INPP4B: variants seen among roughly 807,000 people sequenced by gnomAD.
INPP4B encodes the protein inositol polyphosphate 4-phosphatase type II.
Under a neutral mutation model 122.5 loss-of-function variants are expected in INPP4B, and 55 were observed. The ratio of observed to expected loss-of-function variants is 0.45; its 90% CI spans 0.36 to 0.56. The LOEUF (loss-of-function observed/expected upper bound fraction) is 0.56. Among genes scored for constraint, INPP4B ranks in the 20% least tolerant of loss-of-function variants. The pLI, the probability that INPP4B is intolerant of heterozygous loss-of-function variation, is 0.00. For synonymous variants in INPP4B, 403 were observed against 388.7 expected, an observed-to-expected ratio of 1.04 and a Z score of -0.43; for missense variants, 1,000 against 1,097.7, an observed-to-expected ratio of 0.91 and a Z score of 1.26.
At chr4:142,621,252 T>C (rs541544253) in intron 2 of INPP4B, among the ~76,000 whole-genome samples, 2 of 151,942 alleles carry the variant, frequency 1.3e-5, no homozygotes, top group South Asian at 4.1e-4. Context: ...ATTGACCAAA[T>C]CTGCAAAAAA....
intron 2 of INPP4B, among the ~76,000 whole-genome samples, chr4:142,630,838 G>T (rs1747781612): frequency 6.6e-6 from 1 of 152,062 alleles, no homozygotes; most frequent in Non-Finnish European, 1.5e-5. Context: ...GTTGAGACAT[G>T]AAAAGGCTTA....
intron 22 of INPP4B, among the ~76,000 whole-genome samples, chr4:142,111,537 G>T (rs915922743): frequency 3.3e-5 from 5 of 151,802 alleles, no homozygotes; most frequent in Non-Finnish European, 7.4e-5. Flanking sequence ...AGTAGAGTTG[G>T]GGTTTTGTCA....
chr4:142,504,409 A>C (rs1274803707), intron 2 of INPP4B, among the ~76,000 whole-genome samples: 4 of 152,168 alleles, frequency 2.6e-5, no homozygotes, highest in African/African-American at 9.6e-5. Flanking sequence ...AGGAGTGTGA[A>C]GTGTGAAGAT....
chr4:142,669,078 A>C (rs1756604917), intron 2 of INPP4B, among the ~76,000 whole-genome samples: 1 of 152,060 alleles, frequency 6.6e-6, no homozygotes, highest in Non-Finnish European at 1.5e-5. Context: ...ATAAAAATAA[A>C]AATAAATAAA....
chr4:142,123,659 A>C (rs894373429), intron 19 of INPP4B, among the ~76,000 whole-genome samples: 1 of 152,158 alleles, frequency 6.6e-6, no homozygotes, highest in Non-Finnish European at 1.5e-5. Context: ...TAAGGTTGAT[A>C]GGTCTTCAAA....
At chr4:142,259,111 A>T (rs1237022274) in intron 11 of INPP4B, among the ~76,000 whole-genome samples, 2 of 150,014 alleles carry the variant, frequency 1.3e-5, no homozygotes, top group Non-Finnish European at 3.0e-5. Context: ...AGAGCAAAAA[A>T]CCAAACACCG....
chr4:142,563,705 A>G (rs554918043), intron 2 of INPP4B, among the ~76,000 whole-genome samples: 1 of 152,118 alleles, frequency 6.6e-6, no homozygotes, highest in Non-Finnish European at 1.5e-5. Context: ...GGCAGAAATG[A>G]TATTGTCTAG....
chr4:142,080,186 T>C (rs141222184), intron 25 of INPP4B, among the ~76,000 whole-genome samples: 3 of 152,058 alleles, frequency 2.0e-5, no homozygotes, highest in African/African-American at 7.2e-5. Flanking sequence ...CTATGGGTAA[T>C]GTATGGCATA....
intron 2 of INPP4B, among the ~76,000 whole-genome samples, chr4:142,666,499 C>A (rs1191672386): frequency 6.6e-6 from 1 of 151,916 alleles, no homozygotes; most frequent in East Asian, 1.9e-4. Flanking sequence ...CAAATAAAAT[C>A]AGATTTTTTC....
chr4:142,756,337 T>C (rs915738287), intron 1 of INPP4B, among the ~76,000 whole-genome samples: 1 of 152,070 alleles, frequency 6.6e-6, no homozygotes, highest in East Asian at 1.9e-4. Flanking sequence ...GTTAACAAAA[T>C]TGAAACTGCC....
chr4:142,471,093 C>T (rs1818731203), intron 2 of INPP4B, among the ~76,000 whole-genome samples: 1 of 151,550 alleles, frequency 6.6e-6, no homozygotes, highest in African/African-American at 2.4e-5. Context: ...TGTAAAATTC[C>T]ATCTTACTAT....
intron 7 of INPP4B, among the ~76,000 whole-genome samples, chr4:142,330,960 T>G (rs1774239554): frequency 3.3e-5 from 5 of 152,230 alleles, no homozygotes; most frequent in Admixed American, 3.3e-4. Flanking sequence ...AAATTTGTCC[T>G]ATCAAAAGTT....
rs567075152 is a variant in INPP4B, at chr4:142,411,068, G to A, written c.137-5744C>T. Among the ~76,000 whole-genome samples, 12 of 152,136 alleles carry A rather than the reference G, an allele frequency of 7.9e-5. 1 individual carries two copies. In the South Asian group the frequency reaches 2.5e-3, roughly 32 times the overall value. ...TGAAAATCAGAGGCATCATTAATAT[G>A]CTGCTTTCTGTGAAATCAGATGTGT... On this transcript the variant is annotated intron_variant, in intron 5 of 25. Coordinates refer to ENST00000262992, the MANE Select transcript of INPP4B (RefSeq NM_001101669.3).
chr4:142,714,068 G>A (rs1056159277), intron 2 of INPP4B, among the ~76,000 whole-genome samples: 3 of 152,148 alleles, frequency 2.0e-5, no homozygotes, highest in Non-Finnish European at 4.4e-5. Context: ...TTTACAGCAA[G>A]ATTTCTCAGA....
At chr4:142,616,910 G>A (rs1201481881) in intron 2 of INPP4B, among the ~76,000 whole-genome samples, 3 of 152,030 alleles carry the variant, frequency 2.0e-5, no homozygotes, top group African/African-American at 7.2e-5. Context: ...CAGCCAGAGT[G>A]GAATAATAGA....
At chr4:142,107,383 A>T (rs1202366597) in intron 23 of INPP4B, among the ~76,000 whole-genome samples, 5 of 152,258 alleles carry the variant, frequency 3.3e-5, no homozygotes, top group African/African-American at 1.2e-4. Context: ...CTTTATTAAA[A>T]CTTAGCTTCT....
intron 24 of INPP4B, among the ~76,000 whole-genome samples, chr4:142,085,810 G>A (rs1012537937): frequency 6.6e-6 from 1 of 152,168 alleles, no homozygotes; most frequent in Non-Finnish European, 1.5e-5. Context: ...TGTCTCTAAA[G>A]CAGCAGTTCA....
chr4:142,208,686 T>C (rs1046903906), intron 13 of INPP4B, among the ~76,000 whole-genome samples, 157 bp from the exon 14 acceptor site: 1 of 152,146 alleles, frequency 6.6e-6, no homozygotes, highest in Non-Finnish European at 1.5e-5. Flanking sequence ...TCAATATTTT[T>C]AAAAATTGTC....
At chr4:142,188,829 T>C (rs1294122210) in intron 15 of INPP4B, among the ~76,000 whole-genome samples, 1 of 152,166 alleles carries the variant, frequency 6.6e-6, no homozygotes, top group East Asian at 1.9e-4. Flanking sequence ...AACTAGTGAT[T>C]AGTCTGCTCA....
Sources: gnomAD v4.1 joint callset for allele counts (sites outside exome capture counted in the v4.1 genomes callset) on GRCh38, gnomAD v4.1.1 for gene constraint, MANE v1.5 for transcripts, NCBI Gene and HGNC (gene_info 2026-07-23, HGNC 2026-07-21) for gene names.